The following MYLK4 variants were observed in gnomAD, a reference collection of about 807,000 sequenced individuals.
MYLK4 encodes caMLCK like.
In MYLK4, 46 loss-of-function variants were observed where a neutral mutation model predicts 48.1. The ratio of observed to expected loss-of-function variants is 0.96; its 90% CI spans 0.75 to 1.22. MYLK4 has a LOEUF of 1.22. MYLK4 is among the 50% of genes most tolerant of loss of function. The probability of loss-of-function intolerance (pLI) is 0.00; values close to 1 mark genes in which losing one functional copy is unlikely to be tolerated. For missense variants in MYLK4, 451 were observed against 486.1 expected, an observed-to-expected ratio of 0.93 and a Z score of 0.68; for synonymous variants, 170 against 180.8, an observed-to-expected ratio of 0.94 and a Z score of 0.48.
At chr6:2,679,651 G>T (rs1353397524) in intron 8 of MYLK4, among the ~76,000 whole-genome samples, 1 of 152,220 alleles carries the variant, frequency 6.6e-6, no homozygotes, top group African/African-American at 2.4e-5. Flanking sequence ...TGGAGAAGCT[G>T]CTGTGAATAA....
At position 2,678,338 on chromosome 6, in the gene MYLK4, CATT is replaced by C; in HGVS notation, c.919_921del (p.Asn307del). The C allele has an allele frequency of 1.2e-6, 2 of 1,614,040 alleles. No individual in the cohort carries two copies. The highest frequency in any genetic ancestry group is 1.7e-6 in the Non-Finnish European group (2 of 1,180,020). ...AGGATGTTGTTCAGCGTCTCAGCAT[CATT>C]GTCACCCAGGAAAGGCGACAAACCG... is the stretch of plus-strand genomic sequence containing the variant. On this transcript the variant is annotated inframe_deletion, in exon 10 of 13. Coordinates refer to ENST00000274643, the MANE Select transcript of MYLK4 (RefSeq NM_001012418.5).
At chr6:2,694,503 G>GTAGTGGTAGTGCTGC (rs1561845837) in intron 2 of MYLK4, among the ~76,000 whole-genome samples, 3 of 12,358 alleles carry the variant, frequency 2.4e-4, no homozygotes, top group South Asian at 5.0e-3. Context: ...GGTGGTGGTG[G>GTAGTGGTAGTGCTGC]TGGTGGTGGC....
chr6:2,764,994 G>T, the MYLK4 span, among the ~76,000 whole-genome samples: 2 of 152,078 alleles, frequency 1.3e-5, no homozygotes, highest in African/African-American at 4.8e-5. Context: ...CGCTGCGGCC[G>T]CCTCCTGCTT....
chr6:2,669,854 T>C (rs1760816826), intron 12 of MYLK4, among the ~76,000 whole-genome samples: 1 of 152,238 alleles, frequency 6.6e-6, no homozygotes. Context: ...CTGTTCACTT[T>C]TTGTGGATTT....
At chr6:2,767,494 C>T in the MYLK4 span, among the ~76,000 whole-genome samples, 1 of 152,202 alleles carries the variant, frequency 6.6e-6, no homozygotes, top group Non-Finnish European at 1.5e-5. Context: ...GAATGAATTG[C>T]CCTTTTTGTG....
intron 2 of MYLK4, among the ~76,000 whole-genome samples, chr6:2,716,798 T>C (rs1282883845): frequency 2.0e-5 from 3 of 152,250 alleles, no homozygotes; most frequent in Non-Finnish European, 2.9e-5. Context: ...AGGATAGTAG[T>C]TCCTATCTGA....
upstream of MYLK4, among the ~76,000 whole-genome samples, chr6:2,753,538 C>G (rs1375119877): frequency 2.6e-5 from 4 of 152,064 alleles, no homozygotes; most frequent in South Asian, 2.1e-4. Flanking sequence ...AAATTCAAAA[C>G]GTTTGCCTTT....
chr6:2,763,403 G>T, the MYLK4 span, among the ~76,000 whole-genome samples: 1 of 152,234 alleles, frequency 6.6e-6, no homozygotes, highest in African/African-American at 2.4e-5. Context: ...GCTTCTCAGG[G>T]AGGCTTGGGC....
At chr6:2,687,798 C>T (rs1043158919) in intron 4 of MYLK4, among the ~76,000 whole-genome samples, 5 of 152,186 alleles carry the variant, frequency 3.3e-5, no homozygotes, top group Admixed American at 2.0e-4. Flanking sequence ...CACTTGCAGA[C>T]GCCTGAACTG....
intron 2 of MYLK4, among the ~76,000 whole-genome samples, chr6:2,697,415 T>G (rs1002172371): frequency 1.3e-5 from 2 of 152,372 alleles, no homozygotes; most frequent in African/African-American, 4.8e-5. Flanking sequence ...AAGTCAGCAC[T>G]TTATCCTCTT....
intron 2 of MYLK4, among the ~76,000 whole-genome samples, chr6:2,701,932 G>T (rs1276469381): frequency 6.6e-6 from 1 of 152,248 alleles, no homozygotes; most frequent in East Asian, 1.9e-4. Context: ...CCAGCCTCGT[G>T]TGTCTATTTA....
intron 2 of MYLK4, among the ~76,000 whole-genome samples, chr6:2,743,683 A>G (rs1245480689): frequency 6.6e-6 from 1 of 152,212 alleles, no homozygotes; most frequent in African/African-American, 2.4e-5. Flanking sequence ...TAATATGCAC[A>G]GGGAATCCCT....
rs1273059311 is a variant in MYLK4, at chr6:2,671,261, A to C, written c.*25+15T>G. ...AGGCCTTCACAGACACCTCTTCAGG[A>C]GACCCAAGACTAACCTTCCAAATGG... On this transcript the variant is annotated intron_variant, in intron 12 of 12. Transcript: ENST00000274643. The C allele has an allele frequency of 6.3e-7, 1 of 1,582,868 alleles. No individual in the cohort carries two copies. The highest frequency in any genetic ancestry group is 1.1e-5 in the South Asian group (1 of 90,052).
intron 2 of MYLK4, among the ~76,000 whole-genome samples, chr6:2,735,721 G>A (rs554125882): frequency 1.3e-5 from 2 of 152,298 alleles, no homozygotes; most frequent in East Asian, 1.9e-4. Context: ...GTATGTAGTC[G>A]ATGCAAACTG....
At chr6:2,690,004 AGAG>A (rs1306309632) in intron 3 of MYLK4, among the ~76,000 whole-genome samples, 1 of 152,214 alleles carries the variant, frequency 6.6e-6, no homozygotes, top group Admixed American at 6.5e-5. Flanking sequence ...TCAGATTAAT[AGAG>A]GGAGTTAAAT....
chr6:2,753,998 C>CAAA (rs199757208), upstream of MYLK4, among the ~76,000 whole-genome samples: 12 of 105,114 alleles, frequency 1.1e-4, no homozygotes, highest in African/African-American at 4.0e-4. Context: ...CCATCTCTAC[C>CAAA]AAAAAAAAAA....
chr6:2,729,649 T>A (rs112828903), intron 2 of MYLK4, among the ~76,000 whole-genome samples: 15 of 152,270 alleles, frequency 9.9e-5, no homozygotes, highest in African/African-American at 3.4e-4. Context: ...TGGACTTTAG[T>A]GGATCAGATG....
chr6:2,694,502 G>GAT, intron 2 of MYLK4, among the ~76,000 whole-genome samples: 1 of 55,352 alleles, frequency 1.8e-5, no homozygotes, highest in East Asian at 3.7e-4. Flanking sequence ...TGGTGGTGGT[G>GAT]GTGGTGGTGG....
chr6:2,766,358 G>C, the MYLK4 span: 8 of 1,610,070 alleles, frequency 5.0e-6, no homozygotes, highest in Middle Eastern at 1.7e-4. Context: ...GAGCAAGGCC[G>C]TGGGCCAGGA....
Sources: gnomAD v4.1 joint callset for allele counts (sites outside exome capture counted in the v4.1 genomes callset) on GRCh38, gnomAD v4.1.1 for gene constraint, MANE v1.5 for transcripts, NCBI Gene and HGNC (gene_info 2026-07-23, HGNC 2026-07-21) for gene names.